CHST9: variants seen among roughly 807,000 people sequenced by gnomAD.
CHST9 encodes GalNAc-4-sulfotransferase 2.
Under a neutral mutation model 44.4 loss-of-function variants are expected in CHST9, and 41 were observed. The observed-to-expected ratio is 0.92, with a 90% confidence interval of 0.72 to 1.20. CHST9 has a LOEUF of 1.20. Among genes scored for constraint, CHST9 ranks in the 50% most tolerant of loss-of-function variants. The probability of loss-of-function intolerance (pLI) is 0.00; values close to 1 mark genes in which losing one functional copy is unlikely to be tolerated. For synonymous variants in CHST9, 171 were observed against 178.4 expected, an observed-to-expected ratio of 0.96 and a Z score of 0.33; for missense variants, 504 against 516.5, an observed-to-expected ratio of 0.98 and a Z score of 0.23.
intron 3 of CHST9, among the ~76,000 whole-genome samples, chr18:27,045,981 A>G (rs553786922): frequency 3.9e-5 from 6 of 152,200 alleles, no homozygotes; most frequent in Middle Eastern, 3.4e-3. Context: ...ATATAATGAA[A>G]TGAAAGCCAC....
At chr18:27,128,882 G>C (rs1339491206) in intron 2 of CHST9, among the ~76,000 whole-genome samples, 1 of 152,176 alleles carries the variant, frequency 6.6e-6, no homozygotes, top group Non-Finnish European at 1.5e-5. Context: ...GTGAATCATG[G>C]ATAAACCGTT....
chr18:26,957,272 C>T (rs1284076570), intron 4 of CHST9, among the ~76,000 whole-genome samples: 1 of 152,164 alleles, frequency 6.6e-6, no homozygotes, highest in Non-Finnish European at 1.5e-5. Context: ...GCTCTCTCAC[C>T]AAGCCTATAC....
intron 1 of CHST9, among the ~76,000 whole-genome samples, chr18:27,178,360 AAT>A (rs1239321524): frequency 6.6e-6 from 1 of 152,066 alleles, no homozygotes; most frequent in Non-Finnish European, 1.5e-5. Context: ...TAAAAAGAAT[AAT>A]ATATACAATG....
intron 1 of CHST9, among the ~76,000 whole-genome samples, chr18:27,151,829 C>G (rs2058662079): frequency 6.6e-6 from 1 of 152,266 alleles, no homozygotes; most frequent in South Asian, 2.1e-4. Flanking sequence ...AATTTTAGCC[C>G]CTGTCAGACT....
intron 2 of CHST9, among the ~76,000 whole-genome samples, chr18:27,108,075 C>T (rs2058237621): frequency 6.6e-6 from 1 of 152,156 alleles, no homozygotes; most frequent in Non-Finnish European, 1.5e-5. Flanking sequence ...ATCTACCCAC[C>T]TAGACACCTA....
Position 27,053,216 on chromosome 18 carries a change from G to GA in CHST9, c.122-4714dup, listed in dbSNP as rs1374122340. Among the ~76,000 whole-genome samples, 93 of 79,708 alleles carry GA rather than the reference G, an allele frequency of 1.2e-3. 1 individual carries two copies. The highest frequency in any genetic ancestry group is 4.0e-3 in the African/African-American group (80 of 20,196). The allele number at this position is 79,708 out of a possible 152,430, so 52.3% of individuals were successfully genotyped here. ...GAAGAAAGAACAAGAAGAGGAGGAA[G>GA]AGGAAGAAGAAGAAGAAGAAGAAGA... is the stretch of plus-strand genomic sequence containing the variant. On this transcript the variant is annotated intron_variant, in intron 2 of 5. Transcript: ENST00000618847.
chr18:27,047,110 G>C (rs971935583), intron 3 of CHST9, among the ~76,000 whole-genome samples: 1 of 151,988 alleles, frequency 6.6e-6, no homozygotes, highest in South Asian at 2.1e-4. Flanking sequence ...TCCTTGTCCT[G>C]CCTCTGTCTC....
chr18:26,931,272 C>A (rs1231193307), intron 5 of CHST9, among the ~76,000 whole-genome samples: 10 of 152,128 alleles, frequency 6.6e-5, no homozygotes, highest in African/African-American at 2.2e-4. Flanking sequence ...TTGCACCTTG[C>A]CCAGAAATAG....
At chr18:27,037,501 G>A (rs945957264) in intron 3 of CHST9, among the ~76,000 whole-genome samples, 6 of 152,130 alleles carry the variant, frequency 3.9e-5, no homozygotes, top group African/African-American at 9.7e-5. Context: ...ACCATCCTGG[G>A]CAACATAGTG....
chr18:27,134,253 A>G (rs9947740), intron 2 of CHST9, among the ~76,000 whole-genome samples: 4,095 of 152,258 alleles, frequency 0.027, 169 homozygotes, highest in African/African-American at 0.09. Flanking sequence ...ATATGCTTCA[A>G]TGTAGAGAGA....
At chr18:27,184,426 G>A (rs2058938857) in intron 1 of CHST9, among the ~76,000 whole-genome samples, 4 of 152,176 alleles carry the variant, frequency 2.6e-5, no homozygotes, top group Middle Eastern at 3.2e-3. Context: ...AGAAGAGGGA[G>A]CAGGCAACCC....
chr18:26,944,229 C>CCAA (rs1298890051), intron 5 of CHST9, 100 bp downstream of exon 5: 6 of 883,948 alleles, frequency 6.8e-6, no homozygotes, highest in Non-Finnish European at 1.1e-5. Context: ...TTGCTCATAA[C>CCAA]TAACAGCTAA....
chr18:27,106,633 T>A (rs1159508750), intron 2 of CHST9, among the ~76,000 whole-genome samples: 1 of 152,232 alleles, frequency 6.6e-6, no homozygotes, highest in East Asian at 1.9e-4. Flanking sequence ...ATTTATAGTT[T>A]GTTTTCTGGC....
At chr18:27,058,240 T>A (rs1006189312) in intron 2 of CHST9, among the ~76,000 whole-genome samples, 1 of 152,198 alleles carries the variant, frequency 6.6e-6, no homozygotes, top group Non-Finnish European at 1.5e-5. Flanking sequence ...GTGTTTCTAG[T>A]AAGTTAGGTG....
intron 4 of CHST9, among the ~76,000 whole-genome samples, chr18:27,016,404 T>C (rs904983441): frequency 2.0e-5 from 3 of 152,226 alleles, no homozygotes; most frequent in African/African-American, 4.8e-5. Context: ...GTTACATGGC[T>C]GGATCCCCCT....
At chr18:27,095,916 G>A (rs2058112110) in intron 2 of CHST9, among the ~76,000 whole-genome samples, 2 of 151,920 alleles carry the variant, frequency 1.3e-5, no homozygotes, top group South Asian at 4.1e-4. Context: ...GACTTAAACT[G>A]AACATGTGAC....
intron 2 of CHST9, among the ~76,000 whole-genome samples, chr18:27,126,330 C>T (rs2058423504): frequency 6.6e-6 from 1 of 152,184 alleles, no homozygotes; most frequent in Non-Finnish European, 1.5e-5. Context: ...ATGTTAGGCA[C>T]AGGGGATGCA....
At chr18:27,113,980 G>A (rs763803718) in intron 2 of CHST9, among the ~76,000 whole-genome samples, 1 of 152,118 alleles carries the variant, frequency 6.6e-6, no homozygotes, top group Non-Finnish European at 1.5e-5. Flanking sequence ...TTAAATGTTA[G>A]GGGTGAACAT....
chr18:27,002,220 C>T (rs2056962277), intron 4 of CHST9, among the ~76,000 whole-genome samples: 1 of 149,144 alleles, frequency 6.7e-6, no homozygotes, highest in African/African-American at 2.6e-5. Flanking sequence ...AGGCCTGCAC[C>T]ATCCTTAATT....
Sources: gnomAD v4.1 joint callset for allele counts (sites outside exome capture counted in the v4.1 genomes callset) on GRCh38, gnomAD v4.1.1 for gene constraint, MANE v1.5 for transcripts, NCBI Gene and HGNC (gene_info 2026-07-23, HGNC 2026-07-21) for gene names.